Variants in MTARC2 observed in about 807,000 individuals in gnomAD.
MTARC2 encodes MOCO sulphurase C-terminal domain containing 2.
MTARC2 carries 27 observed loss-of-function variants against 35.6 expected under a neutral mutation model. The ratio of observed to expected loss-of-function variants is 0.76; its 90% confidence interval spans 0.56 to 1.04. The LOEUF (loss-of-function observed/expected upper bound fraction) is 1.04, where lower values mean the gene tolerates loss of function less well. MTARC2 is among the 50% of genes least tolerant of loss of function. The pLI, the probability that MTARC2 is intolerant of heterozygous loss-of-function variation, is 0.00. For synonymous variants in MTARC2, 158 were observed against 167.1 expected (o/e 0.95, Z 0.42); for missense variants, 412 against 432.5 (o/e 0.95, Z 0.42).
Position 220,762,894 on chromosome 1 carries a change from C to T in MTARC2, c.610-16C>T. The T allele has an allele frequency of 6.2e-7, 1 of 1,613,940 alleles. No individual in the cohort carries two copies. Among genetic ancestry groups the T allele is most frequent in the South Asian group, 1.1e-5 (1 of 91,034 alleles). On this transcript the variant is annotated splice_polypyrimidine_tract_variant and intron_variant, in intron 3 of 7. Transcript: ENST00000366913. Reference sequence around the variant, plus strand: ...TGTGGAGTGGTGGGGCCTGACTATCCTGTGTTCTTGGCAAGGTGGCCTACC... The same window carrying T: ...TGTGGAGTGGTGGGGCCTGACTATCTTGTGTTCTTGGCAAGGTGGCCTACC...
chr1:220,775,599 A>G (rs78735838), intron 4 of MTARC2, among the ~76,000 whole-genome samples: 3,619 of 152,118 alleles, frequency 0.024, 109 homozygotes, highest in African/African-American at 0.064. Context: ...TGTGTTGCTG[A>G]GGGTTTGGTG....
At chr1:220,757,063 C>T (rs1482422166) in intron 2 of MTARC2, among the ~76,000 whole-genome samples, 12 of 152,228 alleles carry the variant, frequency 7.9e-5, no homozygotes, top group Non-Finnish European at 1.8e-4. Flanking sequence ...CCATGACGCC[C>T]AGCTAATTTT....
chr1:220,780,557 A>ATTC (rs111779539), intron 6 of MTARC2, among the ~76,000 whole-genome samples: 2,440 of 150,100 alleles, frequency 0.016, 40 homozygotes, highest in East Asian at 0.057. Flanking sequence ...GGTTCAAGTG[A>ATTC]TCCTGCCTCA....
At chr1:220,763,854 T>A (rs1671504962) in intron 4 of MTARC2, among the ~76,000 whole-genome samples, 1 of 152,204 alleles carries the variant, frequency 6.6e-6, no homozygotes, top group African/African-American at 2.4e-5. Context: ...TGTGTTACTG[T>A]CTCCTTTTTA....
chr1:220,782,188 A>G (rs903121151), intron 7 of MTARC2, among the ~76,000 whole-genome samples: 1 of 152,228 alleles, frequency 6.6e-6, no homozygotes, highest in Non-Finnish European at 1.5e-5. Flanking sequence ...AAAGACAGGT[A>G]TATGTTCACA....
At position 220,775,227 on chromosome 1, in the gene MTARC2, A is replaced by T. The variant is rs1021058612; in HGVS notation, c.751-4791A>T. 6.6e-4 allele frequency among the ~76,000 whole-genome samples: 86 copies of T among 129,556 alleles called. 1 individual carries two copies. Among genetic ancestry groups the T allele is most frequent in the African/African-American group, 2.4e-3 (83 of 34,416 alleles). 85.0% of individuals were successfully genotyped at this position (129,556 alleles called of 152,430 possible). A position where few individuals can be genotyped will look rare whatever the true frequency, so the allele number is the denominator to read the frequency against. Reference sequence around the variant, plus strand: ...ACCCTCTAGTCCTAATTTAGTATTTACAAGATGTGCACACGTTCATTCATA... The same window carrying T: ...ACCCTCTAGTCCTAATTTAGTATTTTCAAGATGTGCACACGTTCATTCATA... On this transcript the variant is annotated intron_variant, in intron 4 of 7. Coordinates refer to ENST00000366913, the MANE Select transcript of MTARC2 (RefSeq NM_017898.5).
intron 4 of MTARC2, among the ~76,000 whole-genome samples, chr1:220,771,939 A>C (rs79286905): frequency 0.028 from 4,299 of 152,280 alleles, 186 homozygotes; most frequent in African/African-American, 0.097. Flanking sequence ...ATTCTTCATC[A>C]TCATACTATT....
At chr1:220,771,436 C>T (rs1438774975) in intron 4 of MTARC2, among the ~76,000 whole-genome samples, 4 of 151,826 alleles carry the variant, frequency 2.6e-5, no homozygotes, top group Non-Finnish European at 5.9e-5. Flanking sequence ...GTGTCTCATG[C>T]GATTCCGTAG....
intron 4 of MTARC2, among the ~76,000 whole-genome samples, chr1:220,764,783 AAAAG>A (rs1041497099): frequency 1.3e-5 from 2 of 152,024 alleles, no homozygotes; most frequent in Non-Finnish European, 2.9e-5. Flanking sequence ...TTAAAAAAAA[AAAAG>A]GAAAAGAAAA....
At chr1:220,749,064 A>G (rs1671063549) in intron 1 of MTARC2, among the ~76,000 whole-genome samples, 1 of 152,212 alleles carries the variant, frequency 6.6e-6, no homozygotes, top group African/African-American at 2.4e-5. Context: ...TCTGACCTGT[A>G]TCTCCAAGTC....
At chr1:220,757,440 A>C (rs1671309751) in intron 2 of MTARC2, among the ~76,000 whole-genome samples, 1 of 152,202 alleles carries the variant, frequency 6.6e-6, no homozygotes, top group African/African-American at 2.4e-5. Context: ...ACTGCTAAAA[A>C]CTGAAGAAAT....
At chr1:220,764,659 C>T (rs771481215) in intron 4 of MTARC2, among the ~76,000 whole-genome samples, 1 of 151,858 alleles carries the variant, frequency 6.6e-6, no homozygotes, top group Non-Finnish European at 1.5e-5. Flanking sequence ...TATGGTGGTG[C>T]GTGCCTATAG....
chr1:220,762,411 C>T (rs925247462), intron 3 of MTARC2, among the ~76,000 whole-genome samples: 2 of 152,190 alleles, frequency 1.3e-5, no homozygotes, highest in African/African-American at 4.8e-5. Context: ...GTTTAAAATA[C>T]AAGGACCTCA....
At position 220,761,680 on chromosome 1, in the gene MTARC2, G is replaced by A. The variant is rs150990509; in HGVS notation, c.469G>A (p.Gly157Ser). 2.0e-5 allele frequency: 33 copies of A among 1,613,734 alleles called. 1 individual carries two copies. The African/African-American group carries it at 3.5e-4, about 17-fold the overall frequency. Residue 157 changes from glycine (G) to serine (S), a missense_variant, in exon 3 of 8, where the codon GGC becomes AGC. Gly to Ser is a moderately conservative substitution (Grantham distance 56, BLOSUM62 0). Coordinates refer to ENST00000366913, the MANE Select transcript of MTARC2 (RefSeq NM_017898.5). The stretch of plus-strand genomic sequence containing the variant: ...CAGGATATTTGGCCTTGACATTAAA[G>A]GCAGAGACTGTGGCAATGAGGCAGC... ...NCRIFGLDIKGRDCGNEAAKW... is the reference protein window; with the variant it reads ...NCRIFGLDIKSRDCGNEAAKW...
At chr1:220,754,302 C>A (rs1346533404) in intron 1 of MTARC2, 3 of 456,144 alleles carry the variant, frequency 6.6e-6, no homozygotes, top group South Asian at 1.5e-5. Context: ...ACAGTGGGCT[C>A]TCTAGGAAAT....
At position 220,780,241 on chromosome 1, in the gene MTARC2, T is replaced by C; in HGVS notation, c.884+2T>C. ...ACAGCCACTGGACACCCTGAAGAGG[T>C]AGAATACCACCACAGCCAGTGTATT... is the stretch of plus-strand genomic sequence containing the variant. On this transcript the variant is annotated splice_donor_variant, in intron 6 of 7. Transcript: ENST00000366913. LOFTEE classifies it high-confidence loss of function. 2 of 1,609,422 alleles carry C rather than the reference T, an allele frequency of 1.2e-6. No homozygotes were observed. Among genetic ancestry groups the C allele is most frequent in the South Asian group, 1.1e-5 (1 of 90,584 alleles).
rs758660627 is a variant in MTARC2 at position 220,748,616 on chromosome 1, G to C, written c.85G>C (p.Gly29Arg). 6.7e-7 allele frequency: 1 copy of C among 1,484,852 alleles called. No homozygotes were observed. The highest frequency in any genetic ancestry group is 8.9e-7 in the Non-Finnish European group (1 of 1,125,952). 92.0% of individuals were successfully genotyped at this position (1,484,852 alleles called of 1,614,324 possible). The change falls in exon 1 of 8, where the codon GGA (glycine) becomes CGA (arginine). Residue 29 changes from glycine (G) to arginine (R), a missense_variant. Transcript: ENST00000366913. ...CAGGTGGCTCGGGGTCGCCGCGCTA[G>C]GACTGGCCGCCGTGGCCCTGGGGAC... is the stretch of plus-strand genomic sequence containing the variant. ...WPRWLGVAAL[G>R]LAAVALGTVA... is the part of the protein sequence containing the mutation.
chr1:220,775,409 C>T (rs1422881794), intron 4 of MTARC2, among the ~76,000 whole-genome samples: 1 of 152,132 alleles, frequency 6.6e-6, no homozygotes. Context: ...GCCTGGATTT[C>T]GGCAGACTGC....
intron 2 of MTARC2, among the ~76,000 whole-genome samples, chr1:220,761,340 G>C (rs547599561): frequency 6.6e-6 from 1 of 152,194 alleles, no homozygotes; most frequent in Non-Finnish European, 1.5e-5. Flanking sequence ...AAATCCTTAC[G>C]TTCATGGACC....
Sources: allele counts gnomAD v4.1 joint callset (sites outside exome capture counted in the v4.1 genomes callset), GRCh38; gene constraint gnomAD v4.1.1; transcripts MANE v1.5; gene names NCBI Gene and HGNC (gene_info 2026-07-23, HGNC 2026-07-21).